PACRGL: variants seen among roughly 807,000 people sequenced by gnomAD.
PACRGL encodes the protein PACRG-like protein.
In PACRGL, 38 loss-of-function variants were observed where a neutral mutation model predicts 34.5. That is an observed-to-expected ratio of 1.10 (90% CI 0.85 to 1.44). PACRGL has a LOEUF of 1.44. Among genes scored for constraint, PACRGL ranks in the 40% most tolerant of loss-of-function variants. PACRGL has a pLI of 0.00. For synonymous variants in PACRGL, 128 were observed against 100.1 expected (o/e 1.28, Z -1.66); for missense variants, 305 against 281.4 (o/e 1.08, Z -0.60).
intron 1 of PACRGL, among the ~76,000 whole-genome samples, chr4:20,701,133 C>T (rs184263980): frequency 2.5e-3 from 373 of 152,234 alleles, no homozygotes; most frequent in Middle Eastern, 0.01. Context: ...CTTTCTAGAC[C>T]TGGATTAGAA....
rs1560431246 is a variant in PACRGL at position 20,748,599 on chromosome 4, TA to T, written c.*57-3965del. On this transcript the variant is annotated intron_variant, in intron 8 of 8. Coordinates refer to the PACRGL transcript ENST00000507634. ...ATATATATATATATATATATATATATATATATTCCATAAGTAAATATAAATG... is the reference window on the plus strand; with the variant it reads ...ATATATATATATATATATATATATATTATATTCCATAAGTAAATATAAATG... Among the ~76,000 whole-genome samples the T allele has an allele frequency of 8.8e-3, 909 of 102,774 alleles. 9 individuals are homozygous for T. The highest frequency in any genetic ancestry group is 0.044 in the East Asian group (151 of 3,400). The allele number at this position is 102,774 out of a possible 152,430, so 67.4% of individuals were successfully genotyped here. A position where few individuals can be genotyped will look rare whatever the true frequency, so the allele number is the denominator to read the frequency against.
chr4:20,707,126 A>C (rs1384376571), intron 3 of PACRGL, among the ~76,000 whole-genome samples: 1 of 152,160 alleles, frequency 6.6e-6, no homozygotes, highest in Non-Finnish European at 1.5e-5. Context: ...TAAAATATTT[A>C]CTTTTTGTTC....
intron 1 of PACRGL, chr4:20,702,877 TCTG>T (rs1251995007): frequency 2.0e-5 from 3 of 152,248 alleles, no homozygotes; most frequent in African/African-American, 7.2e-5. Flanking sequence ...AAGTAAGTCA[TCTG>T]CTGGTAGTGG....
chr4:20,742,664 A>G (rs2078482212), intron 8 of PACRGL, among the ~76,000 whole-genome samples: 1 of 152,198 alleles, frequency 6.6e-6, no homozygotes, highest in Non-Finnish European at 1.5e-5. Flanking sequence ...CAAGACAGGG[A>G]TGCCCTCTCT....
exon 9 of PACRGL, chr4:20,752,694 T>C (rs1476013414): frequency 1.3e-5 from 2 of 152,230 alleles, no homozygotes; most frequent in Non-Finnish European, 2.9e-5. Context: ...TGGCAAGCAC[T>C]TGAAGACAGT....
intron 5 of PACRGL, among the ~76,000 whole-genome samples, chr4:20,710,109 A>T (rs1334637687): frequency 6.6e-6 from 1 of 152,170 alleles, no homozygotes; most frequent in Non-Finnish European, 1.5e-5. Context: ...CAGGGATTAA[A>T]CTGAAAACTG....
chr4:20,713,547 C>G lies in PACRGL; in HGVS notation c.609+8C>G. ...AAGCATCTGCTTACAAGCGTAAGTACTGCAAAGATTAGATAATGATTGACT... is the reference window on the plus strand; with the variant it reads ...AAGCATCTGCTTACAAGCGTAAGTAGTGCAAAGATTAGATAATGATTGACT... On this transcript the variant is annotated splice_region_variant and intron_variant, in intron 7 of 8. Transcript: ENST00000503585. The G allele has an allele frequency of 6.3e-7, 1 of 1,584,984 alleles. No individual in the cohort carries two copies. Among genetic ancestry groups the G allele is most frequent in the Non-Finnish European group, 8.7e-7 (1 of 1,154,002 alleles).
Position 20,729,306 on chromosome 4 carries a change from C to A in PACRGL, c.*1965C>A, listed in dbSNP as rs189146202. The A allele has an allele frequency of 1.3e-3, 193 of 151,818 alleles. No homozygotes were observed. The highest frequency in any genetic ancestry group is 1.9e-3 in the Non-Finnish European group (126 of 67,990). 9.4% of individuals were successfully genotyped at this position (151,818 alleles called of 1,614,324 possible). ...TTTTGTTTGATGCCTTCTTCAACTT[C>A]CACTTAATGATTGATACTAATGATT... is the stretch of plus-strand genomic sequence containing the variant. On this transcript the variant is annotated 3_prime_UTR_variant, in exon 9 of 9. Coordinates refer to ENST00000503585, the MANE Select transcript of PACRGL (RefSeq NM_001258345.3).
At chr4:20,714,774 A>T (rs959883912) in intron 7 of PACRGL, among the ~76,000 whole-genome samples, 15 of 152,254 alleles carry the variant, frequency 9.9e-5, no homozygotes, top group Admixed American at 9.2e-4. Flanking sequence ...TCAGGAAACA[A>T]CAGGTGTTGG....
intron 4 of PACRGL, among the ~76,000 whole-genome samples, chr4:20,708,157 G>A (rs557836380): frequency 3.4e-4 from 51 of 152,012 alleles, no homozygotes; most frequent in Middle Eastern, 3.4e-3. Context: ...TGCAGGCTTG[G>A]GCAAGTTGCA....
chr4:20,712,897 T>C lies in PACRGL; in HGVS notation c.476T>C (p.Leu159Pro), dbSNP rs1340754186. The C allele has an allele frequency of 6.3e-7, 1 of 1,593,900 alleles. No individual in the cohort carries two copies. Among genetic ancestry groups the C allele is most frequent in the Non-Finnish European group, 8.6e-7 (1 of 1,168,230 alleles). Residue 159 changes from leucine to proline, a missense_variant, in exon 6 of 9, where the codon CTG (leucine) becomes CCG (proline). Transcript: ENST00000503585. ...PEKAIPLLPR[L>P]IPVLKAALVH... ...AAAGCTATTCCTTTGCTACCTAGAC[T>C]GATTCCTGTGCTAAAGGCAGCTCTG...
chr4:20,708,575 A>C (rs1295257103), intron 4 of PACRGL, among the ~76,000 whole-genome samples: 1 of 152,020 alleles, frequency 6.6e-6, no homozygotes, highest in Non-Finnish European at 1.5e-5. Flanking sequence ...CTGAATTGAA[A>C]CCCTATTTAA....
At chr4:20,721,188 G>A (rs539928442) in intron 7 of PACRGL, among the ~76,000 whole-genome samples, 2 of 152,156 alleles carry the variant, frequency 1.3e-5, no homozygotes, top group East Asian at 3.9e-4. Context: ...GGTCATTTAA[G>A]GTCCTCTCTA....
chr4:20,699,691 CTAAAGAG>C (rs963345029), upstream of PACRGL, among the ~76,000 whole-genome samples: 30 of 152,166 alleles, frequency 2.0e-4, no homozygotes, highest in Admixed American at 1.3e-3. Context: ...GTAGAGGATG[CTAAAGAG>C]GAGTGCAGTG....
At chr4:20,734,499 C>T, downstream of PACRGL, 1 of 496,548 alleles carries the variant, frequency 2.0e-6, no homozygotes. Flanking sequence ...GTACATCTTT[C>T]TTCCACTACA....
chr4:20,713,349 C>T (rs1173997224), intron 6 of PACRGL, 83 bp from the exon 7 acceptor site: 12 of 991,714 alleles, frequency 1.2e-5, no homozygotes, highest in Non-Finnish European at 1.7e-5. Context: ...TACTTGCTTG[C>T]CCTTTTTTCT....
At chr4:20,708,578 C>T (rs1365584306) in intron 4 of PACRGL, among the ~76,000 whole-genome samples, 1 of 152,024 alleles carries the variant, frequency 6.6e-6, no homozygotes, top group Non-Finnish European at 1.5e-5. Context: ...AATTGAAACC[C>T]TATTTAAAGT....
intron 8 of PACRGL, chr4:20,749,551 C>G (rs1348872595): frequency 4.5e-6 from 3 of 663,972 alleles, no homozygotes; most frequent in Non-Finnish European, 7.7e-6. Flanking sequence ...AGGGAGTGTC[C>G]TTGGGCTTTC....
Position 20,712,902 on chromosome 4 carries a change from C to G in PACRGL, c.481C>G (p.Pro161Ala), listed in dbSNP as rs988996104. The G allele has an allele frequency of 4.4e-6, 7 of 1,586,080 alleles. No homozygotes were observed. Among genetic ancestry groups the G allele is most frequent in the South Asian group, 3.5e-5 (3 of 86,114 alleles). Residue 161 changes from proline (P) to alanine (A), a missense_variant, in exon 6 of 9, where the codon CCT becomes GCT. Pro to Ala is a conservative substitution (Grantham distance 27, BLOSUM62 -1). Coordinates refer to ENST00000503585, the MANE Select transcript of PACRGL (RefSeq NM_001258345.3). ...TATTCCTTTGCTACCTAGACTGATT[C>G]CTGTGCTAAAGGCAGCTCTGGTATG... ...KAIPLLPRLI[P>A]VLKAALVHSD...
Sources: allele counts gnomAD v4.1 joint callset (sites outside exome capture counted in the v4.1 genomes callset), GRCh38; gene constraint gnomAD v4.1.1; transcripts MANE v1.5; gene names NCBI Gene and HGNC (gene_info 2026-07-23, HGNC 2026-07-21).